Variants in ATP1A2 observed in about 807,000 individuals in gnomAD.
ATP1A2 encodes ATPase Na+/K+ transporting subunit alpha 2.
ATP1A2 carries 56 observed loss-of-function variants against 113.1 expected under a neutral mutation model. That is an observed-to-expected ratio of 0.49 (90% CI 0.40 to 0.62). The LOEUF is 0.62. ATP1A2 is among the 20% of genes least tolerant of loss of function. The probability of loss-of-function intolerance (pLI) is 0.00; values close to 1 mark genes in which losing one functional copy is unlikely to be tolerated. For missense variants in ATP1A2, 712 were observed against 1,357.8 expected (o/e 0.52, Z 7.47); for synonymous variants, 490 against 526.8 (o/e 0.93, Z 0.96).
In ATP1A2 at chr1:160,123,118, C is replaced by T. The variant is rs764557600; in HGVS notation, c.178-95C>T. 5.1e-5 allele frequency: 72 copies of T among 1,417,318 alleles called. No homozygotes were observed. The Admixed American group carries it at 5.1e-4, about 10-fold the overall frequency. The allele number at this position is 1,417,318 out of a possible 1,614,324, so 87.8% of individuals were successfully genotyped here. A position where few individuals can be genotyped will look rare whatever the true frequency, so the allele number is the denominator to read the frequency against. On this transcript the variant is annotated intron_variant, in intron 3 of 22. Transcript: ENST00000361216. ...AACCAGGTGGGACTTTCCTTCTGGGCATTCTTCCCATGCCCGGGAGCTGAA... is the reference window on the plus strand; with the variant it reads ...AACCAGGTGGGACTTTCCTTCTGGGTATTCTTCCCATGCCCGGGAGCTGAA...
At chr1:160,134,084 C>A (rs566113836) in intron 13 of ATP1A2, among the ~76,000 whole-genome samples, 129 of 146,136 alleles carry the variant, frequency 8.8e-4, no homozygotes, top group Non-Finnish European at 1.6e-3. Context: ...CCCCCACACA[C>A]ACATCTCACA....
rs1469976277 is a variant in ATP1A2, at chr1:160,137,048, A to G, written c.2840+17A>G. The G allele has an allele frequency of 2.0e-5, 32 of 1,613,430 alleles. No homozygotes were observed. The highest frequency in any genetic ancestry group is 2.7e-5 in the African/African-American group (2 of 74,738). Reference sequence around the variant, plus strand: ...GGGCATGAAGTGAGTGCCCACCCCCATGGCACCTACCCACCCAGGCTCTGG... The same window carrying G: ...GGGCATGAAGTGAGTGCCCACCCCCGTGGCACCTACCCACCCAGGCTCTGG... On this transcript the variant is annotated intron_variant, in intron 20 of 22. Transcript: ENST00000361216.
chr1:160,137,068 C>A (rs748243975), intron 20 of ATP1A2, 37 bp downstream of exon 20: 5 of 1,613,492 alleles, frequency 3.1e-6, no homozygotes, highest in African/African-American at 1.3e-5. Flanking sequence ...CCCACCCAGG[C>A]TCTGGGCACA....
chr1:160,130,147 G>A lies in ATP1A2; in HGVS notation c.1507G>A (p.Val503Met). 2 of 1,614,242 alleles carry A rather than the reference G, an allele frequency of 1.2e-6. No homozygotes were observed. Among genetic ancestry groups the A allele is most frequent in the Admixed American group, 1.7e-5 (1 of 60,034 alleles). The change falls in exon 12 of 23, where the codon GTG (valine) becomes ATG (methionine). Residue 503 changes from valine (V) to methionine (M), a missense_variant. Val to Met is a conservative substitution (Grantham distance 21). Transcript: ENST00000361216. ...REDSPQSHVL[V>M]MKGAPERILD... ...AGACAGCCCCCAGAGCCACGTGCTG[G>A]TGATGAAGGGGGCCCCAGAGCGCAT...
At position 160,141,331 on chromosome 1, in the gene ATP1A2, G is replaced by C; in HGVS notation, c.*9G>C. On this transcript the variant is annotated 3_prime_UTR_variant, in exon 23 of 23. Coordinates refer to ENST00000361216, the MANE Select transcript of ATP1A2 (RefSeq NM_000702.4). Reference sequence around the variant, plus strand: ...AGGAGACATACTACTGACCCCATTGGAAGAAGAACCAGGCATGGAAAGATG... The same window carrying C: ...AGGAGACATACTACTGACCCCATTGCAAGAAGAACCAGGCATGGAAAGATG... The C allele has an allele frequency of 6.2e-7, 1 of 1,614,042 alleles. No individual in the cohort carries two copies. The highest frequency in any genetic ancestry group is 8.5e-7 in the Non-Finnish European group (1 of 1,179,916).
chr1:160,120,730 A>G (rs779659107), intron 1 of ATP1A2, among the ~76,000 whole-genome samples, 176 bp from the exon 2 acceptor site: 23 of 152,102 alleles, frequency 1.5e-4, no homozygotes, highest in Non-Finnish European at 2.4e-4. Flanking sequence ...GGTTCTGCCA[A>G]TAGTCTACAA....
chr1:160,125,261 G>A lies in ATP1A2; in HGVS notation c.748+8G>A. 1 of 1,606,542 alleles carries A rather than the reference G, an allele frequency of 6.2e-7. No homozygotes were observed. Among genetic ancestry groups the A allele is most frequent in the Non-Finnish European group, 8.5e-7 (1 of 1,173,134 alleles). ...CCACCAACTGTGTTGAAGGTGAGAA[G>A]CCAGGCTGCCCCCTGTAGGAAAGAG... On this transcript the variant is annotated splice_region_variant and intron_variant, in intron 7 of 22. Transcript: ENST00000361216.
intron 14 of ATP1A2, among the ~76,000 whole-genome samples, 165 bp downstream of exon 14, chr1:160,134,785 T>G (rs1651883105): frequency 6.6e-6 from 1 of 152,232 alleles, no homozygotes; most frequent in African/African-American, 2.4e-5. Context: ...GTATCCAGGC[T>G]GTGCCACTGA....
intron 1 of ATP1A2, among the ~76,000 whole-genome samples, chr1:160,117,831 C>T (rs879445097): frequency 3.9e-5 from 6 of 152,064 alleles, no homozygotes; most frequent in African/African-American, 7.2e-5. Flanking sequence ...ATGGGGGGAG[C>T]GTTGGCGGAT....
At chr1:160,134,737 T>C in intron 14 of ATP1A2, 117 bp downstream of exon 14, 3 of 1,439,042 alleles carry the variant, frequency 2.1e-6, no homozygotes, top group Non-Finnish European at 2.9e-6. Flanking sequence ...AGGCCTTACC[T>C]CTGACACTAT....
chr1:160,117,919 CA>C (rs1293207908), intron 1 of ATP1A2, among the ~76,000 whole-genome samples: 3 of 151,058 alleles, frequency 2.0e-5, no homozygotes, highest in African/African-American at 7.3e-5. Flanking sequence ...ATTCAAGACC[CA>C]GAGAGGGGGA....
At chr1:160,119,493 C>T (rs1361130281) in intron 1 of ATP1A2, among the ~76,000 whole-genome samples, 1 of 152,034 alleles carries the variant, frequency 6.6e-6, no homozygotes. Context: ...AAGACTGGGG[C>T]AGAAGAGGAA....
At chr1:160,132,059 G>A (rs1401636012) in intron 13 of ATP1A2, among the ~76,000 whole-genome samples, 1 of 152,168 alleles carries the variant, frequency 6.6e-6, no homozygotes, top group Non-Finnish European at 1.5e-5. Context: ...CATTAATTCT[G>A]CCTCAGAGAA....
intron 13 of ATP1A2, among the ~76,000 whole-genome samples, chr1:160,131,690 G>T (rs918783037): frequency 6.6e-6 from 1 of 152,070 alleles, no homozygotes; most frequent in Non-Finnish European, 1.5e-5. Flanking sequence ...AATTAGCCAC[G>T]TGTAGTGGCA....
intron 3 of ATP1A2, among the ~76,000 whole-genome samples, chr1:160,122,166 G>A (rs929938696): frequency 6.6e-6 from 1 of 152,130 alleles, no homozygotes; most frequent in Non-Finnish European, 1.5e-5. Context: ...TATTTAGTGG[G>A]TGTATATCTC....
intron 6 of ATP1A2, 108 bp from the exon 7 acceptor site, chr1:160,125,028 G>T (rs1651539958): frequency 2.3e-6 from 2 of 877,440 alleles, no homozygotes; most frequent in East Asian, 4.9e-5. Flanking sequence ...GTGTGACTTT[G>T]TTCCTCGTGT....
chr1:160,135,932 C>T lies in ATP1A2; in HGVS notation c.2378C>T (p.Ala793Val). 1 of 1,614,080 alleles carries T rather than the reference C, an allele frequency of 6.2e-7. No homozygotes were observed. The highest frequency in any genetic ancestry group is 8.5e-7 in the Non-Finnish European group (1 of 1,180,000). ...ACCCCCTTCCTGCTGTTCATCATTG[C>T]CAACATCCCCCTACCTCTGGGCACT... Reference protein sequence around the residue: ...EITPFLLFIIANIPLPLGTVT... With the variant: ...EITPFLLFIIVNIPLPLGTVT... The change falls in exon 17 of 23, where the codon GCC (alanine) becomes GTC (valine). Residue 793 changes from alanine to valine, a missense_variant. Around this residue, in one of 6 missense-constraint regions of ATP1A2, gnomAD observed 188 missense variants for 438.9 expected, o/e 0.43. Transcript: ENST00000361216. The surrounding 1 kb of genome is among the most constrained non-coding windows in gnomAD (Gnocchi z 6.3).
At chr1:160,118,067 A>G (rs776703242) in intron 1 of ATP1A2, among the ~76,000 whole-genome samples, 1 of 151,972 alleles carries the variant, frequency 6.6e-6, no homozygotes. Flanking sequence ...TTGCCAGGAC[A>G]GGAGGAGGGG....
chr1:160,119,512 G>A (rs1651305777), intron 1 of ATP1A2, among the ~76,000 whole-genome samples: 1 of 152,052 alleles, frequency 6.6e-6, no homozygotes, highest in Non-Finnish European at 1.5e-5. Flanking sequence ...AAGTAAGAAG[G>A]TACCTTTTTG....
Sources: allele counts gnomAD v4.1 joint callset (sites outside exome capture counted in the v4.1 genomes callset), GRCh38; gene constraint gnomAD v4.1.1; regional missense constraint gnomAD v4.1.1; non-coding constraint Gnocchi (gnomAD v3.1); transcripts MANE v1.5; gene names NCBI Gene and HGNC (gene_info 2026-07-23, HGNC 2026-07-21).